WLS: variants seen among roughly 807,000 people sequenced by gnomAD.
WLS encodes the protein Wnt ligand secretion mediator, also known as protein wntless homolog.
A neutral mutation model predicts 62.8 loss-of-function variants in WLS; 23 were observed. The ratio of observed to expected loss-of-function variants is 0.37; its 90% CI spans 0.26 to 0.52. The LOEUF (loss-of-function observed/expected upper bound fraction) is 0.52, where lower values mean the gene tolerates loss of function less well. WLS is among the 20% of genes least tolerant of loss of function. The pLI is 0.92. For synonymous variants in WLS, 246 were observed against 244.1 expected (o/e 1.01, Z -0.07); for missense variants, 615 against 697.3 (o/e 0.88, Z 1.33).
intron 10 of WLS, among the ~76,000 whole-genome samples, chr1:68,144,285 G>A (rs768048386): frequency 2.6e-5 from 4 of 152,282 alleles, no homozygotes; most frequent in South Asian, 2.1e-4. Flanking sequence ...TGTGCTACAC[G>A]GCTTGATAAG....
At chr1:68,101,642 G>T (rs879376816) in intron 11 of WLS, among the ~76,000 whole-genome samples, 1 of 152,126 alleles carries the variant, frequency 6.6e-6, no homozygotes, top group Non-Finnish European at 1.5e-5. Flanking sequence ...TATAATATAA[G>T]ACAGGGCTTG....
intron 2 of WLS, chr1:68,162,637 A>T: frequency 8.0e-7 from 1 of 1,252,318 alleles, no homozygotes; most frequent in East Asian, 2.3e-5. Flanking sequence ...TGCTTGGTAC[A>T]GCCATGTGTT....
chr1:68,143,489 A>G lies in WLS; in HGVS notation c.1362+1080T>C, dbSNP rs377033055. ...GTCAACAACAGACCACATGTATGAC[A>G]GTGGTCCTGTAAGATTATAATATCA... On this transcript the variant is annotated intron_variant, in intron 10 of 11. Transcript: ENST00000262348. Among the ~76,000 whole-genome samples the G allele has an allele frequency of 1.7e-4, 26 of 152,348 alleles. No homozygotes were observed. In the East Asian group the frequency reaches 3.5e-3, roughly 20 times the overall value.
intron 1 of WLS, among the ~76,000 whole-genome samples, chr1:68,206,490 G>A (rs1649285411): frequency 6.6e-6 from 1 of 152,168 alleles, no homozygotes; most frequent in African/African-American, 2.4e-5. Context: ...GAATGCAGAG[G>A]GCATTTGAGC....
chr1:68,184,220 C>T (rs1470252291), intron 2 of WLS, among the ~76,000 whole-genome samples: 1 of 152,152 alleles, frequency 6.6e-6, no homozygotes, highest in East Asian at 1.9e-4. Flanking sequence ...GATATGTAAA[C>T]AAATTCTCTA....
chr1:68,217,819 G>A (rs539149352), intron 1 of WLS, among the ~76,000 whole-genome samples: 3 of 152,284 alleles, frequency 2.0e-5, no homozygotes, highest in South Asian at 4.1e-4. Context: ...CTTTGTGAGA[G>A]GGGTCTGGTT....
intron 2 of WLS, among the ~76,000 whole-genome samples, chr1:68,165,749 T>C (rs1647051119): frequency 6.6e-6 from 1 of 152,182 alleles, no homozygotes; most frequent in African/African-American, 2.4e-5. Context: ...TTCCAAGTCG[T>C]CCATGAGTCC....
At chr1:68,187,581 T>C (rs1221259101) in intron 2 of WLS, among the ~76,000 whole-genome samples, 1 of 152,238 alleles carries the variant, frequency 6.6e-6, no homozygotes. Context: ...AATTCATCTG[T>C]GAAATTATTT....
At chr1:68,148,265 T>C in intron 7 of WLS, 66 bp from the exon 8 acceptor site, 1 of 1,541,682 alleles carries the variant, frequency 6.5e-7, no homozygotes, top group South Asian at 1.1e-5. Flanking sequence ...ACTTTCCTTT[T>C]CACATATTCT....
intron 1 of WLS, among the ~76,000 whole-genome samples, chr1:68,198,921 G>C (rs942812791): frequency 2.6e-5 from 4 of 152,170 alleles, no homozygotes; most frequent in Non-Finnish European, 5.9e-5. Flanking sequence ...ATTGACTCCA[G>C]TCAGCTTCCT....
At chr1:68,131,470 T>TGGTGGACAGG (rs1160791192) in intron 11 of WLS, among the ~76,000 whole-genome samples, 1 of 151,836 alleles carries the variant, frequency 6.6e-6, no homozygotes, top group Admixed American at 6.6e-5. Context: ...AGAGTGGCTT[T>TGGTGGACAGG]GGTGGACAGG....
chr1:68,119,371 T>C (rs2100353952), intron 11 of WLS, among the ~76,000 whole-genome samples: 1 of 152,384 alleles, frequency 6.6e-6, no homozygotes, highest in Non-Finnish European at 1.5e-5. Flanking sequence ...TTTTCTTTAC[T>C]CTTTCATGTA....
chr1:68,185,596 G>C (rs1647888566), intron 2 of WLS, among the ~76,000 whole-genome samples: 1 of 152,196 alleles, frequency 6.6e-6, no homozygotes, highest in African/African-American at 2.4e-5. Flanking sequence ...GATCTAGGCT[G>C]CATGCTCCTT....
At chr1:68,170,728 C>T (rs1281893259) in intron 2 of WLS, among the ~76,000 whole-genome samples, 1 of 151,892 alleles carries the variant, frequency 6.6e-6, no homozygotes, top group African/African-American at 2.4e-5. Flanking sequence ...CTTGCTCCCA[C>T]AGTACCTTGT....
intron 11 of WLS, among the ~76,000 whole-genome samples, chr1:68,102,191 C>T (rs564713170): frequency 2.0e-5 from 3 of 152,308 alleles, no homozygotes; most frequent in African/African-American, 7.2e-5. Context: ...TGCATTCTTC[C>T]CAGCCTGTAA....
At position 68,153,558 on chromosome 1, in the gene WLS, C is replaced by T; in HGVS notation, c.762G>A (p.Arg254=). Residue 254 remains arginine, a synonymous_variant, in exon 5 of 12, where the codon AGG becomes AGA. Transcript: ENST00000262348. ...GGGGTCGGGACATCATGGTGATCCT[C>T]CTCCAATACCACACCATAATGATGA... The part of the protein sequence containing the change: ...SIFIIMVWYW[R]RITMMSRPPV... The T allele has an allele frequency of 6.2e-7, 1 of 1,614,156 alleles. No individual in the cohort carries two copies. Among genetic ancestry groups the T allele is most frequent in the Non-Finnish European group, 8.5e-7 (1 of 1,180,030 alleles).
At chr1:68,180,074 G>A (rs1424198438) in intron 2 of WLS, among the ~76,000 whole-genome samples, 1 of 151,874 alleles carries the variant, frequency 6.6e-6, no homozygotes, top group Non-Finnish European at 1.5e-5. Context: ...TGACAACAAA[G>A]ACAAGCAACA....
At chr1:68,124,256 C>T (rs115500370), downstream of WLS, among the ~76,000 whole-genome samples, 5 of 152,172 alleles carry the variant, frequency 3.3e-5, no homozygotes, top group South Asian at 2.1e-4. Flanking sequence ...TCATTCTGAT[C>T]GTATCACTTT....
intron 1 of WLS, among the ~76,000 whole-genome samples, chr1:68,213,407 C>T (rs189608857): frequency 1.4e-3 from 203 of 146,878 alleles, no homozygotes; most frequent in Middle Eastern, 3.4e-3. Flanking sequence ...GCTGAGATTG[C>T]GCCATTGCTC....
Sources: gnomAD v4.1 joint callset for allele counts (sites outside exome capture counted in the v4.1 genomes callset) on GRCh38, gnomAD v4.1.1 for gene constraint, MANE v1.5 for transcripts, NCBI Gene and HGNC (gene_info 2026-07-23, HGNC 2026-07-21) for gene names.